Variants in LMF1 observed in about 807,000 individuals in gnomAD.
LMF1 encodes lipase maturation factor 1, also known as transmembrane protein 112.
LMF1 carries 68 observed loss-of-function variants against 60.6 expected under a neutral mutation model. That is an observed-to-expected ratio of 1.12 (90% CI 0.92 to 1.37). The LOEUF (loss-of-function observed/expected upper bound fraction) is 1.37. Ranked by LOEUF, LMF1 falls within the 40% of genes most tolerant of loss-of-function variation. The pLI, the probability that LMF1 is intolerant of heterozygous loss-of-function variation, is 0.00. For missense variants in LMF1, 948 were observed against 767.2 expected (o/e 1.24, Z -2.78); for synonymous variants, 418 against 324.7 (o/e 1.29, Z -3.09).
chr16:862,050 G>A (rs929278900), intron 10 of LMF1, among the ~76,000 whole-genome samples: 3 of 152,146 alleles, frequency 2.0e-5, no homozygotes, highest in Non-Finnish European at 4.4e-5. Context: ...GTTATCTTCG[G>A]TAGCTGGTAA....
intron 3 of LMF1, among the ~76,000 whole-genome samples, chr16:921,423 G>C (rs926045644): frequency 6.6e-6 from 1 of 152,044 alleles, no homozygotes; most frequent in Non-Finnish European, 1.5e-5. Context: ...CCTGTGGAAA[G>C]TTCACCCGCC....
chr16:865,751 C>T (rs960556213), intron 10 of LMF1, among the ~76,000 whole-genome samples: 3 of 152,232 alleles, frequency 2.0e-5, no homozygotes, highest in Non-Finnish European at 4.4e-5. Flanking sequence ...CTCACTCTGT[C>T]TTCCTCCTAG....
rs924278799 is a variant in LMF1, at chr16:875,740, C to T, written c.897+3830G>A. Among the ~76,000 whole-genome samples, 8 of 152,240 alleles carry T rather than the reference C, an allele frequency of 5.3e-5. No individual in the cohort carries two copies. In the South Asian group the frequency reaches 6.2e-4, roughly 12 times the overall value. On this transcript the variant is annotated intron_variant, in intron 6 of 10. Transcript: ENST00000262301. ...TGTGTGTCCAGGGGTGCCCTTGGAC[C>T]GGCCTCGGAACCAGACCCGAGCCTG... is the stretch of plus-strand genomic sequence containing the variant.
chr16:872,734 C>A (rs77960769), intron 6 of LMF1: 1 of 152,358 alleles, frequency 6.6e-6, no homozygotes, highest in Admixed American at 6.5e-5. Flanking sequence ...GGAGGAGATG[C>A]CACAGGTGAC....
At chr16:861,363 T>TA (rs1428478215) in intron 10 of LMF1, among the ~76,000 whole-genome samples, 1 of 146,394 alleles carries the variant, frequency 6.8e-6, no homozygotes, top group East Asian at 2.0e-4. Context: ...TCTTTTTTTT[T>TA]TTTTTTTTTT....
chr16:896,799 C>T (rs1254214919), intron 4 of LMF1, among the ~76,000 whole-genome samples: 1 of 152,206 alleles, frequency 6.6e-6, no homozygotes, highest in African/African-American at 2.4e-5. Context: ...ATTAAAATGT[C>T]ATTCAAATTC....
At chr16:959,819 G>T (rs541479959) in intron 1 of LMF1, among the ~76,000 whole-genome samples, 1 of 150,820 alleles carries the variant, frequency 6.6e-6, no homozygotes, top group South Asian at 2.1e-4. Flanking sequence ...GATTCAGATG[G>T]GCCAGCAGGG....
chr16:943,391 A>G (rs1208843016), intron 2 of LMF1, among the ~76,000 whole-genome samples: 5 of 132,988 alleles, frequency 3.8e-5, no homozygotes, highest in Non-Finnish European at 7.9e-5. Context: ...AAAAAAAAAG[A>G]TTCAGAGTCT....
intron 1 of LMF1, chr16:979,285 G>A (rs576280922): frequency 5.5e-6 from 2 of 360,842 alleles, no homozygotes; most frequent in African/African-American, 2.1e-5. Context: ...TGGAAGGGGG[G>A]TTTGTGGGCA....
chr16:906,015 G>A (rs1346558840), intron 4 of LMF1, among the ~76,000 whole-genome samples: 1 of 152,116 alleles, frequency 6.6e-6, no homozygotes, highest in Non-Finnish European at 1.5e-5. Context: ...AATGGTTTTA[G>A]CTTTTATGTT....
chr16:857,659 G>GC (rs1302854928), intron 10 of LMF1, among the ~76,000 whole-genome samples: 1 of 52,680 alleles, frequency 1.9e-5, no homozygotes, highest in South Asian at 1.1e-3. Flanking sequence ...GGACGGGTGT[G>GC]AGTGGTGTCA....
chr16:948,449 G>A (rs1324463879), intron 2 of LMF1, among the ~76,000 whole-genome samples: 2 of 151,418 alleles, frequency 1.3e-5, no homozygotes, highest in Non-Finnish European at 2.9e-5. Flanking sequence ...CAGAGTCAGA[G>A]ACAACGACAG....
intron 10 of LMF1, among the ~76,000 whole-genome samples, 165 bp downstream of exon 10, chr16:868,779 G>GGC (rs1567150048): frequency 7.8e-6 from 1 of 128,576 alleles, no homozygotes; most frequent in African/African-American, 3.7e-5. Context: ...TGTGGGGCGG[G>GGC]GGGGGGGGGC....
At chr16:912,337 A>G (rs12599615) in intron 3 of LMF1, among the ~76,000 whole-genome samples, 1,822 of 151,974 alleles carry the variant, frequency 0.012, 19 homozygotes, top group South Asian at 0.095. Flanking sequence ...GGGAGAGTGC[A>G]GAGGGGAAGC....
At chr16:895,530 A>G (rs977246241) in intron 4 of LMF1, among the ~76,000 whole-genome samples, 1 of 152,166 alleles carries the variant, frequency 6.6e-6, no homozygotes, top group African/African-American at 2.4e-5. Flanking sequence ...CCGAGAAGGC[A>G]GCAGGCTCTG....
chr16:927,533 G>A (rs985484445), intron 3 of LMF1, among the ~76,000 whole-genome samples: 4 of 152,264 alleles, frequency 2.6e-5, no homozygotes, highest in African/African-American at 7.2e-5. Context: ...CGTGGAGGCT[G>A]CCTCTGATTA....
chr16:970,971 CAGGGCGCATGTGCGGGG>C, exon 1 of LMF1: 1 of 1,515,184 alleles, frequency 6.6e-7, no homozygotes, highest in Non-Finnish European at 8.9e-7. Flanking sequence ...GTTGGGCTGT[CAGGGCGCATGTGCGGGG>C]AGGGCGCACT....
intron 3 of LMF1, among the ~76,000 whole-genome samples, chr16:930,315 C>T (rs1010356547): frequency 1.3e-4 from 20 of 152,218 alleles, no homozygotes; most frequent in African/African-American, 2.9e-4. Context: ...CAGGCGAGCT[C>T]GCTGGAGGGG....
intron 1 of LMF1, chr16:976,100 G>A (rs1445183897): frequency 1.8e-5 from 8 of 453,916 alleles, no homozygotes; most frequent in Non-Finnish European, 3.5e-5. Flanking sequence ...TGATTTTTCT[G>A]GAGTCAGTCC....
Sources: allele counts gnomAD v4.1 joint callset (sites outside exome capture counted in the v4.1 genomes callset), GRCh38; gene constraint gnomAD v4.1.1; transcripts MANE v1.5; gene names NCBI Gene and HGNC (gene_info 2026-07-23, HGNC 2026-07-21).